Variants in CLSTN1 observed in about 807,000 individuals in gnomAD.
The protein encoded by CLSTN1 is calsyntenin-1.
CLSTN1 carries 28 observed loss-of-function variants against 108.3 expected under a neutral mutation model. The ratio of observed to expected loss-of-function variants is 0.26; its 90% CI spans 0.19 to 0.35. CLSTN1 has a LOEUF of 0.35. Among genes scored for constraint, CLSTN1 ranks in the 10% least tolerant of loss-of-function variants. The pLI is 1.00. For missense variants in CLSTN1, 1,157 were observed against 1,302.6 expected (o/e 0.89, Z 1.72); for synonymous variants, 524 against 534.9 (o/e 0.98, Z 0.28).
intron 1 of CLSTN1, among the ~76,000 whole-genome samples, chr1:9,810,345 GTA>G (rs1244411337): frequency 2.7e-5 from 4 of 149,112 alleles, no homozygotes; most frequent in African/African-American, 9.9e-5. Context: ...GTGTGGGAGT[GTA>G]CACCTGTAAT....
At chr1:9,740,525 C>A (rs1291537743) in intron 10 of CLSTN1, among the ~76,000 whole-genome samples, 1 of 152,144 alleles carries the variant, frequency 6.6e-6, no homozygotes, top group African/African-American at 2.4e-5. Flanking sequence ...CACAGCCTGC[C>A]ACTTGGTAAG....
chr1:9,731,521 G>T, intron 17 of CLSTN1, 131 bp from the exon 18 acceptor site: 1 of 1,069,048 alleles, frequency 9.4e-7, no homozygotes, highest in Non-Finnish European at 1.4e-6. Flanking sequence ...AGGCCAGGAG[G>T]AAATACCAGG....
intron 9 of CLSTN1, among the ~76,000 whole-genome samples, 184 bp downstream of exon 9, chr1:9,743,700 A>G (rs1009734639): frequency 2.0e-5 from 3 of 149,080 alleles, no homozygotes. Flanking sequence ...GGCATGTGCC[A>G]CCATGCCCAG....
intron 1 of CLSTN1, 54 bp from the exon 2 acceptor site, chr1:9,773,448 C>T (rs1157297697): frequency 3.3e-6 from 5 of 1,512,144 alleles, no homozygotes; most frequent in Non-Finnish European, 4.5e-6. Context: ...TTATTTTCAA[C>T]TCCACTACTT....
chr1:9,815,355 G>C (rs1239157386), intron 1 of CLSTN1, among the ~76,000 whole-genome samples: 1 of 152,214 alleles, frequency 6.6e-6, no homozygotes, highest in East Asian at 1.9e-4. Context: ...GTTTTACAGG[G>C]AAGGCTATTT....
At chr1:9,767,831 T>C (rs1652423818) in intron 2 of CLSTN1, among the ~76,000 whole-genome samples, 2 of 152,190 alleles carry the variant, frequency 1.3e-5, no homozygotes, top group African/African-American at 2.4e-5. Flanking sequence ...TGAAAAAATA[T>C]TTCTCACAAA....
chr1:9,743,837 T>G, intron 9 of CLSTN1, 47 bp downstream of exon 9: 1 of 1,607,886 alleles, frequency 6.2e-7, no homozygotes, highest in Non-Finnish European at 8.5e-7. Flanking sequence ...GGATTATAGG[T>G]GTGAGCACCT....
chr1:9,762,203 T>C (rs562096792), intron 2 of CLSTN1, among the ~76,000 whole-genome samples: 59 of 152,276 alleles, frequency 3.9e-4, no homozygotes, highest in Non-Finnish European at 7.5e-4. Context: ...GGCCCACACC[T>C]GTAATCCCAG....
chr1:9,806,748 G>A (rs969858894), intron 1 of CLSTN1, among the ~76,000 whole-genome samples: 8 of 151,946 alleles, frequency 5.3e-5, no homozygotes, highest in African/African-American at 9.7e-5. Flanking sequence ...GCGTGGTGGC[G>A]GGCACCTGTA....
At chr1:9,766,486 C>T (rs755507732) in intron 2 of CLSTN1, among the ~76,000 whole-genome samples, 1 of 152,120 alleles carries the variant, frequency 6.6e-6, no homozygotes, top group Non-Finnish European at 1.5e-5. Flanking sequence ...GGTGAAACCC[C>T]GTCTCTATTA....
intron 1 of CLSTN1, among the ~76,000 whole-genome samples, chr1:9,793,894 C>G (rs924970494): frequency 1.3e-5 from 2 of 151,508 alleles, no homozygotes; most frequent in African/African-American, 2.4e-5. Flanking sequence ...CATGCTGCTA[C>G]CAGCTTCCTA....
intron 10 of CLSTN1, among the ~76,000 whole-genome samples, chr1:9,740,749 G>A (rs1349292768): frequency 2.0e-5 from 3 of 152,188 alleles, no homozygotes; most frequent in African/African-American, 7.2e-5. Flanking sequence ...CCTGACTCTT[G>A]CTGTTGCCTC....
intron 2 of CLSTN1, among the ~76,000 whole-genome samples, chr1:9,758,338 G>C (rs564604184): frequency 6.7e-6 from 1 of 149,402 alleles, no homozygotes; most frequent in Admixed American, 6.8e-5. Flanking sequence ...TTTTGAGACA[G>C]AGTCTCACTC....
At chr1:9,778,514 AAG>A (rs1319944724) in intron 1 of CLSTN1, among the ~76,000 whole-genome samples, 1 of 152,120 alleles carries the variant, frequency 6.6e-6, no homozygotes, top group African/African-American at 2.4e-5. Flanking sequence ...TGTTCTGAGC[AAG>A]AGAGCTAGAA....
chr1:9,803,538 C>T (rs755112564), intron 1 of CLSTN1, among the ~76,000 whole-genome samples: 8 of 152,216 alleles, frequency 5.3e-5, no homozygotes, highest in Non-Finnish European at 7.3e-5. Context: ...CGCAGTGGCT[C>T]ACGCCTGCAA....
intron 8 of CLSTN1, among the ~76,000 whole-genome samples, 180 bp from the exon 9 acceptor site, chr1:9,744,185 T>C (rs535418561): frequency 5.1e-4 from 77 of 152,294 alleles, no homozygotes; most frequent in African/African-American, 1.9e-3. Context: ...GAGCCTGTGA[T>C]CACCGTGGAC....
chr1:9,788,378 C>G (rs1653593335), intron 1 of CLSTN1, among the ~76,000 whole-genome samples: 1 of 151,096 alleles, frequency 6.6e-6, no homozygotes, highest in Non-Finnish European at 1.5e-5. Context: ...TGAAACCAGC[C>G]TGGCCAACAT....
chr1:9,751,275 A>C (rs1292764706), intron 5 of CLSTN1, among the ~76,000 whole-genome samples, 198 bp downstream of exon 5: 1 of 152,202 alleles, frequency 6.6e-6, no homozygotes, highest in Non-Finnish European at 1.5e-5. Flanking sequence ...CAGGACTTAC[A>C]GGTTCCAGAG....
intron 2 of CLSTN1, among the ~76,000 whole-genome samples, chr1:9,756,906 G>A (rs1246005698): frequency 1.3e-5 from 2 of 151,956 alleles, no homozygotes; most frequent in African/African-American, 4.8e-5. Context: ...AGCCTCCCGA[G>A]TAGCTGGGAC....
Sources: gnomAD v4.1 joint callset for allele counts (sites outside exome capture counted in the v4.1 genomes callset) on GRCh38, gnomAD v4.1.1 for gene constraint, MANE v1.5 for transcripts, NCBI Gene and HGNC (gene_info 2026-07-23, HGNC 2026-07-21) for gene names.